Variants in ANTXR2 observed in about 807,000 individuals in gnomAD.
ANTXR2 encodes the protein ANTXR cell adhesion molecule 2.
In ANTXR2, 44 loss-of-function variants were observed where a neutral mutation model predicts 73.7. The ratio of observed to expected loss-of-function variants is 0.60; its 90% CI spans 0.47 to 0.77. The LOEUF is 0.77. ANTXR2 is among the 30% of genes least tolerant of loss of function. ANTXR2 has a pLI of 0.00. For synonymous variants in ANTXR2, 217 were observed against 205.9 expected (o/e 1.05, Z -0.46); for missense variants, 604 against 592.5 (o/e 1.02, Z -0.20).
intron 10 of ANTXR2, among the ~76,000 whole-genome samples, chr4:80,020,731 GT>G (rs1732121232): frequency 6.6e-6 from 1 of 152,098 alleles, no homozygotes; most frequent in African/African-American, 2.4e-5. Context: ...GTGCTATTTG[GT>G]TTGGATTCAT....
At chr4:80,027,508 C>A (rs1436474197) in intron 10 of ANTXR2, among the ~76,000 whole-genome samples, 1 of 152,130 alleles carries the variant, frequency 6.6e-6, no homozygotes, top group South Asian at 2.1e-4. Context: ...TCAAAACACT[C>A]TGTCAAGTGT....
chr4:79,911,785 C>A (rs1176251731), intron 16 of ANTXR2, among the ~76,000 whole-genome samples: 2 of 151,654 alleles, frequency 1.3e-5, no homozygotes, highest in African/African-American at 4.8e-5. Flanking sequence ...ATTAAATATT[C>A]TTTCTAAATA....
chr4:80,052,682 C>T lies in ANTXR2; in HGVS notation c.636+1590G>A, dbSNP rs542603392. ...AAGAGATTTTGTTGGCAAATTGTGGCTAAAATAATGCAAATTTTCCTAATT... is the reference window on the plus strand; with the variant it reads ...AAGAGATTTTGTTGGCAAATTGTGGTTAAAATAATGCAAATTTTCCTAATT... On this transcript the variant is annotated intron_variant, in intron 7 of 16. Transcript: ENST00000403729. Among the ~76,000 whole-genome samples the T allele has an allele frequency of 2.0e-4, 31 of 151,690 alleles. 1 individual carries two copies. The South Asian group carries it at 6.4e-3, about 31-fold the overall frequency.
chr4:80,023,002 C>T (rs143735169), intron 10 of ANTXR2, among the ~76,000 whole-genome samples: 61 of 152,122 alleles, frequency 4.0e-4, no homozygotes, highest in Non-Finnish European at 6.8e-4. Context: ...CATAAATTAC[C>T]GTTAACACCT....
At chr4:79,909,644 CCA>C (rs955367579) in intron 16 of ANTXR2, among the ~76,000 whole-genome samples, 13 of 121,540 alleles carry the variant, frequency 1.1e-4, no homozygotes, top group African/African-American at 1.3e-4. Flanking sequence ...GATATAAGCA[CCA>C]AAAAAAAAAA....
At chr4:79,993,318 G>A (rs759976117) in intron 12 of ANTXR2, among the ~76,000 whole-genome samples, 4 of 151,300 alleles carry the variant, frequency 2.6e-5, no homozygotes, top group Non-Finnish European at 5.9e-5. Flanking sequence ...AAAAAAGAAG[G>A]AAAAAAGGGA....
At chr4:79,936,191 G>A (rs138655187) in intron 16 of ANTXR2, among the ~76,000 whole-genome samples, 209 of 152,284 alleles carry the variant, frequency 1.4e-3, no homozygotes, top group African/African-American at 4.7e-3. Context: ...AAAGGGTTCA[G>A]ATGTTTTAAT....
intron 16 of ANTXR2, among the ~76,000 whole-genome samples, chr4:79,966,426 G>T (rs970160336): frequency 6.6e-6 from 1 of 152,050 alleles, no homozygotes; most frequent in East Asian, 1.9e-4. Flanking sequence ...ATGTCTTCTC[G>T]TGCATAGATA....
intron 16 of ANTXR2, among the ~76,000 whole-genome samples, chr4:79,909,723 C>T (rs1032582479): frequency 1.1e-4 from 16 of 151,836 alleles, no homozygotes; most frequent in Non-Finnish European, 2.4e-4. Context: ...TTAACAAAAA[C>T]AAGCAAATGC....
chr4:79,907,322 G>A lies in ANTXR2; in HGVS notation c.*107C>T, dbSNP rs908185636. ...TTTCCCGACTGAGAGGAATTAAGCT[G>A]CTCTTCCAAAAGCTTCTGAAATGCA... On this transcript the variant is annotated 3_prime_UTR_variant, in exon 17 of 17. Coordinates refer to ENST00000403729, the MANE Select transcript of ANTXR2 (RefSeq NM_058172.6). 10 of 1,206,964 alleles carry A rather than the reference G, an allele frequency of 8.3e-6. No individual in the cohort carries two copies. The African/African-American group carries it at 1.6e-4, about 19-fold the overall frequency. 74.8% of individuals were successfully genotyped at this position (1,206,964 alleles called of 1,614,324 possible).
intron 16 of ANTXR2, among the ~76,000 whole-genome samples, chr4:79,927,568 A>G (rs1214115510): frequency 4.6e-5 from 7 of 152,194 alleles, no homozygotes; most frequent in Admixed American, 6.5e-5. Flanking sequence ...AATGCTATGC[A>G]AATACTTTAT....
intron 16 of ANTXR2, among the ~76,000 whole-genome samples, chr4:79,973,497 T>C (rs1325424348): frequency 6.6e-6 from 1 of 151,088 alleles, no homozygotes. Context: ...CGATCTCAGC[T>C]CACTACTGCA....
intron 7 of ANTXR2, among the ~76,000 whole-genome samples, chr4:80,047,442 T>C (rs1450414472): frequency 6.6e-6 from 1 of 151,708 alleles, no homozygotes; most frequent in Non-Finnish European, 1.5e-5. Flanking sequence ...ATTTTTTTGT[T>C]CCTACCCTGG....
At chr4:79,924,699 G>A (rs1344716552) in intron 16 of ANTXR2, among the ~76,000 whole-genome samples, 2 of 152,020 alleles carry the variant, frequency 1.3e-5, no homozygotes, top group African/African-American at 4.8e-5. Flanking sequence ...TGAAAGTACA[G>A]AAAACTGCAA....
At chr4:79,936,851 G>A (rs945244259) in intron 16 of ANTXR2, among the ~76,000 whole-genome samples, 1 of 151,880 alleles carries the variant, frequency 6.6e-6, no homozygotes, top group Non-Finnish European at 1.5e-5. Context: ...TACACTAGTA[G>A]TACCACACTA....
At chr4:79,923,015 C>G (rs1431919517) in intron 16 of ANTXR2, among the ~76,000 whole-genome samples, 1 of 152,028 alleles carries the variant, frequency 6.6e-6, no homozygotes, top group Non-Finnish European at 1.5e-5. Context: ...CTTTCCTAGA[C>G]TGTAAGCTCC....
In ANTXR2 at chr4:79,935,416, T is replaced by G. The variant is rs552952524; in HGVS notation, c.1429-27949A>C. 4.8e-4 allele frequency among the ~76,000 whole-genome samples: 72 copies of G among 150,768 alleles called. 1 individual carries two copies. Among genetic ancestry groups the G allele is most frequent in the African/African-American group, 1.7e-3 (71 of 40,982 alleles). On this transcript the variant is annotated intron_variant, in intron 16 of 16. Transcript: ENST00000403729. ...AAAGCCTGTGGGGGTATATCATGGA[T>G]CACAATACGAAAATAAATTAGTGAC...
At chr4:80,071,754 C>A (rs1734797665) in intron 1 of ANTXR2, 100 bp from the exon 2 acceptor site, 11 of 936,266 alleles carry the variant, frequency 1.2e-5, no homozygotes, top group Non-Finnish European at 1.8e-5. Context: ...CATAGGGGCA[C>A]CTGGCCTCTT....
intron 12 of ANTXR2, among the ~76,000 whole-genome samples, chr4:80,002,089 C>T (rs1252681645): frequency 6.6e-6 from 1 of 152,030 alleles, no homozygotes; most frequent in Non-Finnish European, 1.5e-5. Flanking sequence ...CAAAAAAGAG[C>T]CCGCATCACC....
Sources: allele counts gnomAD v4.1 joint callset (sites outside exome capture counted in the v4.1 genomes callset), GRCh38; gene constraint gnomAD v4.1.1; transcripts MANE v1.5; gene names NCBI Gene and HGNC (gene_info 2026-07-23, HGNC 2026-07-21).